The following ZNF792 variants were observed in gnomAD, a reference collection of about 807,000 sequenced individuals.
ZNF792 encodes zinc finger protein 792.
Under a neutral mutation model 13.1 loss-of-function variants are expected in ZNF792, and 14 were observed. That is an observed-to-expected ratio of 1.07 (90% CI 0.71 to 1.67). The LOEUF (loss-of-function observed/expected upper bound fraction) is 1.67, where lower values mean the gene tolerates loss of function less well. Ranked by LOEUF, ZNF792 falls within the 40% of genes most tolerant of loss-of-function variation. The pLI is 0.00. For missense variants in ZNF792, 740 were observed against 807.9 expected (o/e 0.92, Z 1.02); for synonymous variants, 257 against 292.0 (o/e 0.88, Z 1.22).
rs779840830 is a variant in ZNF792, at chr19:34,958,955, G to A, written c.900C>T (p.His300=). 6.2e-7 allele frequency: 1 copy of A among 1,614,156 alleles called. No homozygotes were observed. Among genetic ancestry groups the A allele is most frequent in the Non-Finnish European group, 8.5e-7 (1 of 1,180,004 alleles). ...FFTYAADLTQ[H]QKVHNRGKPY... is the part of the protein sequence containing the mutation. Reference sequence around the variant, plus strand: ...GTTTTCCTCTATTGTGAACTTTCTGGTGTTGAGTGAGGTCAGCGGCGTAAG... The same window carrying A: ...GTTTTCCTCTATTGTGAACTTTCTGATGTTGAGTGAGGTCAGCGGCGTAAG... The change falls in exon 4 of 4, where the codon CAC becomes CAT. Residue 300 remains histidine (H), a synonymous_variant. Coordinates refer to ENST00000404801, the MANE Select transcript of ZNF792 (RefSeq NM_175872.5).
At position 34,958,886 on chromosome 19, in the gene ZNF792, G is replaced by T. The variant is rs759468388; in HGVS notation, c.969C>A (p.Ser323=). ...CECGKFFSQH[S]SLVKHRRVHT... ...GAACCCTGCGATGTTTAACAAGGCT[G>T]GAGTGCTGGCTGAAGAATTTTCCAC... The change falls in exon 4 of 4, where the codon TCC becomes TCA. Residue 323 remains serine (S), a synonymous_variant. Transcript: ENST00000404801. 6.2e-7 allele frequency: 1 copy of T among 1,613,568 alleles called. No individual in the cohort carries two copies. The highest frequency in any genetic ancestry group is 1.1e-5 in the South Asian group (1 of 91,028).
In ZNF792 at chr19:34,958,219, T is replaced by C. The variant is rs140214118; in HGVS notation, c.1636A>G (p.Arg546Gly). The C allele has an allele frequency of 3.3e-4, 539 of 1,614,058 alleles. No homozygotes were observed. The highest frequency in any genetic ancestry group is 8.7e-4 in the South Asian group (79 of 91,074). The change falls in exon 4 of 4, where the codon AGG becomes GGG. Residue 546 changes from arginine (R) to glycine (G), a missense_variant. Transcript: ENST00000404801. ...CSECGKTFRQ[R>G]SNLRQHLKVH... ...TTCAGGTGCTGCCTCAGATTGGACC[T>C]CTGCCTGAAGGTTTTCCCACATTCG...
chr19:34,962,284 A>T (rs906771921), intron 1 of ZNF792, among the ~76,000 whole-genome samples: 2 of 152,226 alleles, frequency 1.3e-5, no homozygotes, highest in East Asian at 3.8e-4. Context: ...TACTTACTCA[A>T]AGCTCACTAT....
intron 1 of ZNF792, among the ~76,000 whole-genome samples, chr19:34,963,149 C>A (rs576619873): frequency 2.6e-5 from 4 of 152,192 alleles, no homozygotes; most frequent in Non-Finnish European, 5.9e-5. Flanking sequence ...CACAGGGAGC[C>A]TGTTAAGACC....
At position 34,959,489 on chromosome 19, in the gene ZNF792, G is replaced by A. The variant is rs149660907; in HGVS notation, c.366C>T (p.Pro122=). 350 of 1,611,170 alleles carry A rather than the reference G, an allele frequency of 2.2e-4. No individual in the cohort carries two copies. The highest frequency in any genetic ancestry group is 1.5e-3 in the African/African-American group (113 of 75,014). ...SVEGVAQDRS[P]EATLCPQKTC... ...TCTTCTGGGGGCACAGAGTTGCCTC[G>A]GGACTCCTGTCCTGTGCCACTCCTT... The change falls in exon 4 of 4, where the codon CCC becomes CCT. Residue 122 remains proline, a synonymous_variant. Coordinates refer to ENST00000404801, the MANE Select transcript of ZNF792 (RefSeq NM_175872.5).
rs1007621005 is a variant in ZNF792, at chr19:34,959,461, A to C, written c.394T>G (p.Cys132Gly). Residue 132 changes from cysteine to glycine, a missense_variant, in exon 4 of 4, where the codon TGC becomes GGC. Physicochemically the swap from Cys to Gly is radical, Grantham distance 159. Transcript: ENST00000404801. ...PEATLCPQKT[C>G]PCDICGLRLK... is the part of the protein sequence containing the mutation. ...CGTAGGCCACATATGTCACAGGGGCAGGTCTTCTGGGGGCACAGAGTTGCC... is the reference window on the plus strand; with the variant it reads ...CGTAGGCCACATATGTCACAGGGGCCGGTCTTCTGGGGGCACAGAGTTGCC... 6.2e-7 allele frequency: 1 copy of C among 1,613,848 alleles called. No homozygotes were observed. The highest frequency in any genetic ancestry group is 8.5e-7 in the Non-Finnish European group (1 of 1,179,778).
rs2013566274 is a variant in ZNF792 at position 34,963,777 on chromosome 19, C to T, written c.-115G>A. On this transcript the variant is annotated 5_prime_UTR_variant, in exon 1 of 4. Coordinates refer to ENST00000404801, the MANE Select transcript of ZNF792 (RefSeq NM_175872.5). ...GGCCGTGCCCCAGACGAGGTGTGAC[C>T]CCGGGCTGAGGGTCGCACTCCTAGC... The T allele has an allele frequency of 9.8e-6, 12 of 1,227,786 alleles. No individual in the cohort carries two copies. Among genetic ancestry groups the T allele is most frequent in the South Asian group, 4.7e-5 (3 of 64,500 alleles). The allele number at this position is 1,227,786 out of a possible 1,614,324, so 76.1% of individuals were successfully genotyped here. A position where few individuals can be genotyped will look rare whatever the true frequency, so the allele number is the denominator to read the frequency against.
rs1289363050 is a variant in ZNF792, at chr19:34,958,742, A to G, written c.1113T>C (p.Cys371=). 1 of 1,613,958 alleles carries G rather than the reference A, an allele frequency of 6.2e-7. No individual in the cohort carries two copies. Among genetic ancestry groups the G allele is most frequent in the South Asian group, 1.1e-5 (1 of 91,084 alleles). ...TGGAACGCTGGCTGAAGAACTTCCC[A>G]CAGTCGCTGCACTCATATGGCTTTT... The part of the protein sequence containing the change: ...TGEKPYECSD[C]GKFFSQRSNL... Residue 371 remains cysteine (C), a synonymous_variant, in exon 4 of 4, where the codon TGT becomes TGC. Transcript: ENST00000404801.
chr19:34,963,801 G>C lies in ZNF792; in HGVS notation c.-139C>G. 6.1e-6 allele frequency: 6 copies of C among 978,646 alleles called. No individual in the cohort carries two copies. The South Asian group carries it at 1.0e-4, about 17-fold the overall frequency. The allele number at this position is 978,646 out of a possible 1,614,324, so 60.6% of individuals were successfully genotyped here. ...CCCCGGGCTGAGGGTCGCACTCCTA[G>C]CCTCAGTCTCCCCCGTGCAAAATGC... is the stretch of plus-strand genomic sequence containing the variant. On this transcript the variant is annotated 5_prime_UTR_variant, in exon 1 of 4. Coordinates refer to ENST00000404801, the MANE Select transcript of ZNF792 (RefSeq NM_175872.5).
Position 34,958,165 on chromosome 19 carries a change from A to T in ZNF792, c.1690T>A (p.Cys564Ser). The T allele has an allele frequency of 6.2e-7, 1 of 1,611,948 alleles. No individual in the cohort carries two copies. Among genetic ancestry groups the T allele is most frequent in the Non-Finnish European group, 8.5e-7 (1 of 1,178,200 alleles). Residue 564 changes from cysteine to serine, a missense_variant, in exon 4 of 4, where the codon TGC becomes AGC. Physicochemically the swap from Cys to Ser is moderately radical, Grantham distance 112. Coordinates refer to ENST00000404801, the MANE Select transcript of ZNF792 (RefSeq NM_175872.5). Reference sequence around the variant, plus strand: ...TTGAAGGCTTTCCCACATTCGCTGCATTCGTAAGGCCTGTCTGGTTTGTGA... The same window carrying T: ...TTGAAGGCTTTCCCACATTCGCTGCTTTCGTAAGGCCTGTCTGGTTTGTGA... ...KVHKPDRPYE[C>S]SECGKAFNQR...
In ZNF792 at chr19:34,958,824, CCA is replaced by C. The variant is rs758887533; in HGVS notation, c.1029_1030del (p.Cys343TrpfsTer14). 3.1e-6 allele frequency: 5 copies of C among 1,612,392 alleles called. No homozygotes were observed. The African/African-American group carries it at 6.7e-5, about 22-fold the overall frequency. ...GTTGGAGCTTCGGCTGAAGAATTTC[CCA>C]CAGTCACCACACACGTGAGGGCTTT... is the stretch of plus-strand genomic sequence containing the variant. On this transcript the variant is annotated frameshift_variant, in exon 4 of 4. Coordinates refer to ENST00000404801, the MANE Select transcript of ZNF792 (RefSeq NM_175872.5). LOFTEE classifies it low-confidence loss of function (END_TRUNC).
At chr19:34,959,886 G>A (rs778691089) in intron 3 of ZNF792, among the ~76,000 whole-genome samples, 5 of 152,228 alleles carry the variant, frequency 3.3e-5, no homozygotes, top group Admixed American at 6.5e-5. Flanking sequence ...GGGCTATGCA[G>A]TGAGAGCATC....
Position 34,963,770 on chromosome 19 carries a change from G to T in ZNF792, c.-108C>A. 1 of 1,264,460 alleles carries T rather than the reference G, an allele frequency of 7.9e-7. No homozygotes were observed. Among genetic ancestry groups the T allele is most frequent in the Non-Finnish European group, 1.1e-6 (1 of 928,558 alleles). 78.3% of individuals were successfully genotyped at this position (1,264,460 alleles called of 1,614,324 possible). ...CCCACCTGGCCGTGCCCCAGACGAG[G>T]TGTGACCCCGGGCTGAGGGTCGCAC... On this transcript the variant is annotated 5_prime_UTR_variant, in exon 1 of 4. Transcript: ENST00000404801.
chr19:34,962,057 G>T (rs2013535985), intron 1 of ZNF792, among the ~76,000 whole-genome samples: 1 of 151,990 alleles, frequency 6.6e-6, no homozygotes, highest in South Asian at 2.1e-4. Context: ...CTGTCTTTAT[G>T]ATGCCAAACA....
chr19:34,961,672 C>A lies in ZNF792; in HGVS notation c.34-678G>T, dbSNP rs1174017180. Among the ~76,000 whole-genome samples the A allele has an allele frequency of 3.3e-5, 5 of 152,076 alleles. No homozygotes were observed. The East Asian group carries it at 9.7e-4, about 29-fold the overall frequency. ...CACATGGATGTCACATACACTTGGC[C>A]TTCTTTGTTGCACATTCTGACCCTG... On this transcript the variant is annotated intron_variant, in intron 1 of 3. Transcript: ENST00000404801.
At chr19:34,961,105 C>A in intron 1 of ZNF792, 111 bp from the exon 2 acceptor site, 1 of 1,479,504 alleles carries the variant, frequency 6.8e-7, no homozygotes, top group South Asian at 1.3e-5. Flanking sequence ...GGTAGCAGGC[C>A]CTGGTTCTGT....
chr19:34,963,322 C>G (rs962370167), intron 1 of ZNF792, among the ~76,000 whole-genome samples: 1 of 152,050 alleles, frequency 6.6e-6, no homozygotes, highest in African/African-American at 2.4e-5. Flanking sequence ...GTTCCTTGAA[C>G]ACTCCCAACT....
Position 34,958,131 on chromosome 19 carries a change from G to T in ZNF792, c.1724C>A (p.Pro575His), listed in dbSNP as rs947535939. 6.2e-7 allele frequency: 1 copy of T among 1,613,650 alleles called. No homozygotes were observed. Among genetic ancestry groups the T allele is most frequent in the African/African-American group, 1.3e-5 (1 of 75,040 alleles). ...AATCTTCTGATGCCGAATGAGGGTA[G>T]GCCTTTGGTTGAAGGCTTTCCCACA... ...SECGKAFNQR[P>H]TLIRHQKIHI... Residue 575 changes from proline to histidine, a missense_variant, in exon 4 of 4, where the codon CCT becomes CAT. Coordinates refer to ENST00000404801, the MANE Select transcript of ZNF792 (RefSeq NM_175872.5).
chr19:34,960,925 G>C lies in ZNF792; in HGVS notation c.103C>G (p.Gln35Glu), dbSNP rs750699837. ...QEEWVLLDEA[Q>E]RLLYCDVMLE... ...ATCACATCGCAGTACAGGAGTCTCTGAGCCTCATCGAGGAGCACCCACTCC... is the reference window on the plus strand; with the variant it reads ...ATCACATCGCAGTACAGGAGTCTCTCAGCCTCATCGAGGAGCACCCACTCC... Residue 35 changes from glutamine (Q) to glutamate (E), a missense_variant, in exon 2 of 4, where the codon CAG (glutamine) becomes GAG (glutamate). Coordinates refer to ENST00000404801, the MANE Select transcript of ZNF792 (RefSeq NM_175872.5). 3 of 1,614,016 alleles carry C rather than the reference G, an allele frequency of 1.9e-6. No individual in the cohort carries two copies. Among genetic ancestry groups the C allele is most frequent in the Non-Finnish European group, 2.5e-6 (3 of 1,179,960 alleles).
Sources: gnomAD v4.1 joint callset for allele counts (sites outside exome capture counted in the v4.1 genomes callset) on GRCh38, gnomAD v4.1.1 for gene constraint, MANE v1.5 for transcripts, NCBI Gene and HGNC (gene_info 2026-07-23, HGNC 2026-07-21) for gene names.